Variants in CACNA1S observed in about 807,000 individuals in gnomAD.
The protein encoded by CACNA1S is calcium voltage-gated channel subunit alpha1 S, also known as voltage-dependent L-type calcium channel subunit alpha-1S.
In CACNA1S, 126 loss-of-function variants were observed where a neutral mutation model predicts 207.4. That is an observed-to-expected ratio of 0.61 (90% CI 0.53 to 0.70). The LOEUF (loss-of-function observed/expected upper bound fraction) is 0.70, where lower values mean the gene tolerates loss of function less well. CACNA1S is among the 30% of genes least tolerant of loss of function. The probability of loss-of-function intolerance (pLI) is 0.00; values close to 1 mark genes in which losing one functional copy is unlikely to be tolerated. For missense variants in CACNA1S, 2,349 were observed against 2,422.8 expected, an observed-to-expected ratio of 0.97 and a Z score of 0.64; for synonymous variants, 960 against 932.7, an observed-to-expected ratio of 1.03 and a Z score of -0.53.
intron 40 of CACNA1S, chr1:201,041,863 G>C: frequency 1.9e-6 from 1 of 513,478 alleles, no homozygotes; most frequent in Non-Finnish European, 3.5e-6. Flanking sequence ...AGGCCCAGCT[G>C]CAGCCTCCCA....
chr1:201,049,173 G>T (rs1268033181), intron 34 of CACNA1S, 74 bp from the exon 35 acceptor site: 4 of 1,051,424 alleles, frequency 3.8e-6, no homozygotes, highest in Non-Finnish European at 5.8e-6. Context: ...CAGAGGATGG[G>T]CAATGGGAAA....
chr1:201,091,916 G>T lies in CACNA1S; in HGVS notation c.541+56C>A, dbSNP rs962852214. The T allele has an allele frequency of 2.5e-6, 4 of 1,611,170 alleles. No individual in the cohort carries two copies. The African/African-American group carries it at 4.0e-5, about 16-fold the overall frequency. On this transcript the variant is annotated intron_variant, in intron 4 of 43. Coordinates refer to ENST00000362061, the MANE Select transcript of CACNA1S (RefSeq NM_000069.3). The stretch of plus-strand genomic sequence containing the variant: ...GTAGGAAGGGGACCCAGAACTGGGG[G>T]ACAAGGGAACAGGAAGGGAGAGGAG...
intron 2 of CACNA1S, among the ~76,000 whole-genome samples, chr1:201,094,710 C>A (rs1027454216): frequency 3.3e-5 from 5 of 152,146 alleles, no homozygotes; most frequent in African/African-American, 1.2e-4. Flanking sequence ...CTTTAGGCAG[C>A]CCCTTAAAGG....
At chr1:201,060,947 GT>G in intron 25 of CACNA1S, 131 bp from the exon 26 acceptor site, 2 of 1,121,990 alleles carry the variant, frequency 1.8e-6, no homozygotes, top group Non-Finnish European at 2.7e-6. Context: ...ACTGTGAACT[GT>G]TTAGGGGAAT....
intron 25 of CACNA1S, among the ~76,000 whole-genome samples, 181 bp from the exon 26 acceptor site, chr1:201,060,997 G>T (rs969475379): frequency 1.3e-5 from 2 of 152,192 alleles, no homozygotes; most frequent in African/African-American, 4.8e-5. Flanking sequence ...AGTTATCACA[G>T]CCCATTCCCA....
chr1:201,062,438 C>A, intron 23 of CACNA1S, 24 bp downstream of exon 23: 1 of 1,611,762 alleles, frequency 6.2e-7, no homozygotes. Flanking sequence ...GTGACCGTCC[C>A]ACTGTGCTCC....
chr1:201,090,053 C>G (rs1215963361), intron 5 of CACNA1S, among the ~76,000 whole-genome samples: 2 of 152,210 alleles, frequency 1.3e-5, no homozygotes. Context: ...CTCCTTTTAT[C>G]TTAGGATGTT....
chr1:201,097,229 C>T (rs1662466679), intron 2 of CACNA1S, among the ~76,000 whole-genome samples: 1 of 152,214 alleles, frequency 6.6e-6, no homozygotes, highest in Non-Finnish European at 1.5e-5. Flanking sequence ...CCCCCGAGCC[C>T]TTCTCCATAC....
chr1:201,069,673 C>T (rs1251827706), intron 17 of CACNA1S, 72 bp from the exon 18 acceptor site: 2 of 1,529,652 alleles, frequency 1.3e-6, no homozygotes, highest in Non-Finnish European at 1.8e-6. Context: ...AGCCTCCATC[C>T]TGCGGACGAA....
In CACNA1S at chr1:201,077,215, G is replaced by A. The variant is rs1004903907; in HGVS notation, c.1620-88C>T. 14 of 1,120,200 alleles carry A rather than the reference G, an allele frequency of 1.2e-5. No individual in the cohort carries two copies. In the African/African-American group the frequency reaches 2.0e-4, roughly 16 times the overall value. 69.4% of individuals were successfully genotyped at this position (1,120,200 alleles called of 1,614,324 possible). A position where few individuals can be genotyped will look rare whatever the true frequency, so the allele number is the denominator to read the frequency against. On this transcript the variant is annotated intron_variant, in intron 11 of 43. Coordinates refer to ENST00000362061, the MANE Select transcript of CACNA1S (RefSeq NM_000069.3). The stretch of plus-strand genomic sequence containing the variant: ...TGGACAGGCTTGGGGGAAAGACTCA[G>A]GACTGATGTGACACAGAGGGAGGGG...
intron 33 of CACNA1S, 128 bp downstream of exon 33, chr1:201,050,856 A>G (rs1207615712): frequency 2.9e-6 from 3 of 1,026,674 alleles, no homozygotes; most frequent in African/African-American, 3.2e-5. Flanking sequence ...CAACCTAACT[A>G]GAGCCTCCTG....
intron 12 of CACNA1S, 83 bp downstream of exon 12, chr1:201,076,837 G>A (rs1405534069): frequency 7.8e-7 from 1 of 1,282,222 alleles, no homozygotes; most frequent in Non-Finnish European, 1.1e-6. Flanking sequence ...CCTGGAGAAG[G>A]TGATGCCCAC....
chr1:201,109,127 A>G lies in CACNA1S; in HGVS notation c.258+1037T>C, dbSNP rs549632309. On this transcript the variant is annotated intron_variant, in intron 2 of 43. Coordinates refer to ENST00000362061, the MANE Select transcript of CACNA1S (RefSeq NM_000069.3). ...TCTGGGCATGGTGGCAGGCGCCTGT[A>G]ATCCCAGCTACTTGGGAGGCTGAGG... Among the ~76,000 whole-genome samples, 34 of 152,250 alleles carry G rather than the reference A, an allele frequency of 2.2e-4. No individual in the cohort carries two copies. The East Asian group carries it at 6.6e-3, about 29-fold the overall frequency.
In CACNA1S at chr1:201,092,033, A is replaced by G; in HGVS notation, c.480T>C (p.Asp160=). ...APMSSKGAGL[D]VKALRAFRVL... ...CTCGGAAGGCTCTGAGGGCCTTGACATCCAAGCCGGCTCCTTTGCTGCTCA... is the reference window on the plus strand; with the variant it reads ...CTCGGAAGGCTCTGAGGGCCTTGACGTCCAAGCCGGCTCCTTTGCTGCTCA... Residue 160 remains aspartate, a synonymous_variant, in exon 4 of 44, where the codon GAT becomes GAC. Transcript: ENST00000362061. 6.2e-7 allele frequency: 1 copy of G among 1,614,062 alleles called. No homozygotes were observed.
Position 201,074,494 on chromosome 1 carries a change from G to T in CACNA1S, c.2063+12C>A, listed in dbSNP as rs375935617. The T allele has an allele frequency of 1.3e-6, 2 of 1,565,012 alleles. No homozygotes were observed. Among genetic ancestry groups the T allele is most frequent in the African/African-American group, 2.7e-5 (2 of 73,950 alleles). On this transcript the variant is annotated intron_variant, in intron 14 of 43. Transcript: ENST00000362061. The stretch of plus-strand genomic sequence containing the variant: ...AGCACTCCAGGTCCCTTCCTGCTAA[G>T]GAAGCACTCACTTGGACATCTTCCT...
rs572100619 is a variant in CACNA1S at position 201,071,232 on chromosome 1, G to A, written c.2228-828C>T. Among the ~76,000 whole-genome samples, 62 of 152,168 alleles carry A rather than the reference G, an allele frequency of 4.1e-4. No homozygotes were observed. In the Middle Eastern group the frequency reaches 0.014, roughly 33 times the overall value. On this transcript the variant is annotated intron_variant, in intron 16 of 43. Transcript: ENST00000362061. ...TGGCAGAGGCCTTGAGGGAAGCCAA[G>A]AGCTACTGGATTCTACTGTCTCCAT...
At chr1:201,090,525 T>A (rs1662186234) in intron 5 of CACNA1S, among the ~76,000 whole-genome samples, 1 of 152,182 alleles carries the variant, frequency 6.6e-6, no homozygotes, top group Non-Finnish European at 1.5e-5. Flanking sequence ...GAGTAGAGTC[T>A]TCTGAGACAC....
intron 13 of CACNA1S, 44 bp downstream of exon 13, chr1:201,075,451 C>T: frequency 1.3e-6 from 2 of 1,582,888 alleles, no homozygotes; most frequent in South Asian, 1.1e-5. Context: ...TTTCCCCCAC[C>T]CCCTCCCTAA....
chr1:201,111,890 G>A (rs1181701751), intron 1 of CACNA1S, among the ~76,000 whole-genome samples: 1 of 114,090 alleles, frequency 8.8e-6, no homozygotes, highest in East Asian at 2.6e-4. Flanking sequence ...GGCCCAGGAA[G>A]CCCCACCAAG....
Sources: gnomAD v4.1 joint callset for allele counts (sites outside exome capture counted in the v4.1 genomes callset) on GRCh38, gnomAD v4.1.1 for gene constraint, MANE v1.5 for transcripts, NCBI Gene and HGNC (gene_info 2026-07-23, HGNC 2026-07-21) for gene names.